Variants in CACNA1C observed in about 807,000 individuals in gnomAD.
CACNA1C encodes the protein calcium voltage-gated channel subunit alpha1 C.
A neutral mutation model predicts 229.0 loss-of-function variants in CACNA1C; 30 were observed. The ratio of observed to expected loss-of-function variants is 0.13; its 90% confidence interval spans 0.10 to 0.18. The LOEUF (loss-of-function observed/expected upper bound fraction) is 0.18. Among genes scored for constraint, CACNA1C ranks in the 10% least tolerant of loss-of-function variants. The pLI is 1.00. For missense variants in CACNA1C, 1,658 were observed against 2,845.0 expected (o/e 0.58, Z 9.49); for synonymous variants, 1,114 against 1,132.5 (o/e 0.98, Z 0.33).
At chr12:2,323,029 T>A (rs940840986) in intron 3 of CACNA1C, among the ~76,000 whole-genome samples, 4 of 152,172 alleles carry the variant, frequency 2.6e-5, no homozygotes, top group Admixed American at 2.0e-4. Context: ...TTTCTTGTCC[T>A]CTCCATTTAC....
intron 13 of CACNA1C, among the ~76,000 whole-genome samples, chr12:2,574,064 T>C (rs565164134): frequency 3.5e-4 from 54 of 152,308 alleles, no homozygotes; most frequent in African/African-American, 1.2e-3. Context: ...ATGAATATCA[T>C]TCATCCTATT....
At chr12:2,235,595 C>T (rs369126489) in intron 3 of CACNA1C, among the ~76,000 whole-genome samples, 37 of 152,300 alleles carry the variant, frequency 2.4e-4, no homozygotes, top group African/African-American at 7.5e-4. Flanking sequence ...TGCTTCTCTA[C>T]GTAGACCATC....
chr12:2,073,458 C>T (rs2062079569), intron 1 of CACNA1C, among the ~76,000 whole-genome samples: 1 of 152,068 alleles, frequency 6.6e-6, no homozygotes, highest in African/African-American at 2.4e-5. Context: ...ACTGTTCTTG[C>T]TCATCCTGGC....
At chr12:2,267,606 C>T (rs1016777721) in intron 3 of CACNA1C, among the ~76,000 whole-genome samples, 3 of 152,154 alleles carry the variant, frequency 2.0e-5, no homozygotes, top group Admixed American at 1.3e-4. Flanking sequence ...GGAGAAAGAA[C>T]CCGAAGCTCA....
intron 18 of CACNA1C, among the ~76,000 whole-genome samples, chr12:2,587,402 C>T (rs1264354666): frequency 6.6e-6 from 1 of 152,218 alleles, no homozygotes; most frequent in Non-Finnish European, 1.5e-5. Context: ...TGGGGCCAGC[C>T]TCCAGGATGG....
intron 3 of CACNA1C, among the ~76,000 whole-genome samples, chr12:2,231,553 G>T (rs2065133751): frequency 6.6e-6 from 1 of 152,168 alleles, no homozygotes. Flanking sequence ...GACAACAAAT[G>T]AGCTATCCAA....
intron 3 of CACNA1C, among the ~76,000 whole-genome samples, chr12:2,166,378 A>G (rs1188947641): frequency 1.3e-5 from 2 of 152,234 alleles, no homozygotes; most frequent in Non-Finnish European, 1.5e-5. Context: ...TTAACTTTAC[A>G]TTGGCTGATC....
chr12:2,282,180 G>A (rs940959208), intron 3 of CACNA1C, among the ~76,000 whole-genome samples: 5 of 152,078 alleles, frequency 3.3e-5, no homozygotes, highest in Non-Finnish European at 5.9e-5. Context: ...CCAAACTACC[G>A]ATTGGAGATT....
intron 3 of CACNA1C, among the ~76,000 whole-genome samples, chr12:2,247,139 C>G (rs1360879850): frequency 6.6e-6 from 1 of 152,138 alleles, no homozygotes; most frequent in Non-Finnish European, 1.5e-5. Flanking sequence ...CAGTTTTCAC[C>G]CTGATTATCC....
chr12:2,383,326 T>G (rs1203008602), intron 3 of CACNA1C, among the ~76,000 whole-genome samples: 1 of 152,146 alleles, frequency 6.6e-6, no homozygotes, highest in African/African-American at 2.4e-5. Context: ...GGCCTGGAAT[T>G]TCCCCCTTTG....
chr12:1,976,524 T>A (rs1007092925), intron 1 of CACNA1C, among the ~76,000 whole-genome samples: 8 of 152,294 alleles, frequency 5.3e-5, no homozygotes, highest in African/African-American at 1.9e-4. Flanking sequence ...TCGGCTCCCA[T>A]TCCTCACTGC....
intron 1 of CACNA1C, among the ~76,000 whole-genome samples, chr12:2,003,118 G>A (rs2042567135): frequency 6.6e-6 from 1 of 151,994 alleles, no homozygotes; most frequent in South Asian, 2.1e-4. Context: ...AAGAACTTTG[G>A]GCAAAACTGT....
At chr12:2,456,356 G>A (rs1368697268) in intron 4 of CACNA1C, among the ~76,000 whole-genome samples, 1 of 152,242 alleles carries the variant, frequency 6.6e-6, no homozygotes, top group Non-Finnish European at 1.5e-5. Context: ...CGACAGGGGA[G>A]TCTCCCACAA....
At chr12:2,294,285 G>A (rs1206219870) in intron 3 of CACNA1C, among the ~76,000 whole-genome samples, 1 of 152,176 alleles carries the variant, frequency 6.6e-6, no homozygotes, top group African/African-American at 2.4e-5. Context: ...GGCAGCGGTG[G>A]TGGGTCCTGG....
rs1014761843 is a variant in CACNA1C at position 2,265,001 on chromosome 12, C to T, written c.477+144571C>T. Reference sequence around the variant, plus strand: ...GCCTTTTTCTTGACTACTTCTTAAGCCTCTGGATTTCTCCTTAAATATCAG... The same window carrying T: ...GCCTTTTTCTTGACTACTTCTTAAGTCTCTGGATTTCTCCTTAAATATCAG... On this transcript the variant is annotated intron_variant, in intron 3 of 46. Transcript: ENST00000399655. Among the ~76,000 whole-genome samples, 7 of 152,204 alleles carry T rather than the reference C, an allele frequency of 4.6e-5. No homozygotes were observed. The South Asian group carries it at 1.4e-3, about 31-fold the overall frequency.
At chr12:2,185,116 C>G (rs530756956) in intron 3 of CACNA1C, among the ~76,000 whole-genome samples, 1 of 152,238 alleles carries the variant, frequency 6.6e-6, no homozygotes, top group South Asian at 2.1e-4. Context: ...AATGTCCCCA[C>G]TGCCATCTCC....
Position 2,601,721 on chromosome 12 carries a change from T to C in CACNA1C, c.2854-133T>C, listed in dbSNP as rs2072426718. ...TTTCTTGGCACCATAGCGCCGTCTT[T>C]GTCCTTCCTGTTCCCCATGGATGGT... is the stretch of plus-strand genomic sequence containing the variant. On this transcript the variant is annotated intron_variant, in intron 21 of 46. Coordinates refer to ENST00000399655, the MANE Select transcript of CACNA1C (RefSeq NM_000719.7). This position sits in a 1 kb window ranked among gnomAD's most constrained non-coding sequence, Gnocchi z 5.9. The C allele has an allele frequency of 1.4e-6, 1 of 703,222 alleles. No individual in the cohort carries two copies. The highest frequency in any genetic ancestry group is 2.6e-6 in the Non-Finnish European group (1 of 378,654). The allele number at this position is 703,222 out of a possible 1,614,324, so 43.6% of individuals were successfully genotyped here. A position where few individuals can be genotyped will look rare whatever the true frequency, so the allele number is the denominator to read the frequency against.
chr12:2,047,098 C>T (rs961284133), intron 1 of CACNA1C, among the ~76,000 whole-genome samples: 3 of 152,188 alleles, frequency 2.0e-5, no homozygotes, highest in African/African-American at 4.8e-5. Flanking sequence ...GCGGCCAGTG[C>T]ACGGCCTCTG....
chr12:2,624,828 G>A (rs549418162), intron 29 of CACNA1C, among the ~76,000 whole-genome samples: 11 of 152,286 alleles, frequency 7.2e-5, no homozygotes, highest in East Asian at 1.9e-4. Context: ...GTCTGCCACC[G>A]TCCACAGAAA....
Sources: allele counts gnomAD v4.1 joint callset (sites outside exome capture counted in the v4.1 genomes callset), GRCh38; gene constraint gnomAD v4.1.1; non-coding constraint Gnocchi (gnomAD v3.1); transcripts MANE v1.5; gene names NCBI Gene and HGNC (gene_info 2026-07-23, HGNC 2026-07-21).